Variants in PTPRG observed in about 807,000 individuals in gnomAD.
The protein encoded by PTPRG is protein tyrosine phosphatase receptor type G, also known as receptor-type tyrosine-protein phosphatase gamma.
In PTPRG, 102 loss-of-function variants were observed where a neutral mutation model predicts 165.3. The observed-to-expected ratio is 0.62, with a 90% CI of 0.53 to 0.73. The LOEUF is 0.73. Among genes scored for constraint, PTPRG ranks in the 30% least tolerant of loss-of-function variants. The pLI is 0.00. For synonymous variants in PTPRG, 675 were observed against 669.5 expected (o/e 1.01, Z -0.13); for missense variants, 1,866 against 1,861.4 (o/e 1.00, Z -0.05).
chr3:61,737,383 A>G (rs1476330416), intron 1 of PTPRG, among the ~76,000 whole-genome samples: 1 of 152,194 alleles, frequency 6.6e-6, no homozygotes, highest in Non-Finnish European at 1.5e-5. Flanking sequence ...ATGCCATGGC[A>G]GCATCCTGTC....
intron 4 of PTPRG, among the ~76,000 whole-genome samples, chr3:62,039,855 C>A (rs1187214973): frequency 6.6e-6 from 1 of 152,062 alleles, no homozygotes; most frequent in Non-Finnish European, 1.5e-5. Context: ...AGCCACAGAG[C>A]AGTGCTAATC....
chr3:62,228,471 G>A lies in PTPRG; in HGVS notation c.2289-2754G>A, dbSNP rs184427362. On this transcript the variant is annotated intron_variant, in intron 13 of 29. Coordinates refer to ENST00000474889, the MANE Select transcript of PTPRG (RefSeq NM_002841.4). The surrounding 1 kb of genome is among the most constrained non-coding windows in gnomAD (Gnocchi z 4.1). The stretch of plus-strand genomic sequence containing the variant: ...AGAGGATGCAGTAGGTGGAGATCAC[G>A]CCATTGCACTCCAGCCTGGGCAACA... Among the ~76,000 whole-genome samples the A allele has an allele frequency of 2.0e-5, 3 of 150,882 alleles. No individual in the cohort carries two copies. The highest frequency in any genetic ancestry group is 1.3e-4 in the Admixed American group (2 of 15,158).
chr3:61,621,077 GTATATTTATTTATC>G (rs1701445271), intron 1 of PTPRG, among the ~76,000 whole-genome samples: 6 of 144,912 alleles, frequency 4.1e-5, no homozygotes, highest in African/African-American at 1.3e-4. Context: ...GTGTGTGTGT[GTATATTTATTTATC>G]TGTTATGTTC....
chr3:61,767,239 T>TGGAAAA (rs1371380259), intron 2 of PTPRG, among the ~76,000 whole-genome samples: 3 of 73,098 alleles, frequency 4.1e-5, no homozygotes, highest in Non-Finnish European at 5.2e-5. Flanking sequence ...AGATTCCATC[T>TGGAAAA]CAAAAAAAAA....
At chr3:61,969,941 G>C (rs2040347674) in intron 2 of PTPRG, among the ~76,000 whole-genome samples, 1 of 152,140 alleles carries the variant, frequency 6.6e-6, no homozygotes, top group Admixed American at 6.6e-5. Flanking sequence ...AAACCAGTGA[G>C]GTTGTTTTTT....
intron 8 of PTPRG, among the ~76,000 whole-genome samples, chr3:62,173,766 G>A (rs570762019): frequency 3.5e-4 from 54 of 152,262 alleles, no homozygotes; most frequent in African/African-American, 1.3e-3. Context: ...GGTTATGATC[G>A]TGAACTTGAG....
At chr3:62,143,075 A>G (rs373629693) in intron 6 of PTPRG, among the ~76,000 whole-genome samples, 5 of 152,312 alleles carry the variant, frequency 3.3e-5, no homozygotes, top group African/African-American at 1.2e-4. Flanking sequence ...TCTCCCGCTC[A>G]GATCCCTGCC....
chr3:61,863,172 AG>A (rs2037318695), intron 2 of PTPRG, among the ~76,000 whole-genome samples: 1 of 152,216 alleles, frequency 6.6e-6, no homozygotes, highest in South Asian at 2.1e-4. Context: ...GCCAGTGCTT[AG>A]GGCCTGACCC....
intron 5 of PTPRG, among the ~76,000 whole-genome samples, chr3:62,091,423 A>G (rs1463305982): frequency 6.6e-6 from 1 of 152,250 alleles, no homozygotes; most frequent in Non-Finnish European, 1.5e-5. Flanking sequence ...AAATAGATTT[A>G]ATTGGAGCAG....
At chr3:61,863,941 G>A (rs1299632145) in intron 2 of PTPRG, among the ~76,000 whole-genome samples, 3 of 152,180 alleles carry the variant, frequency 2.0e-5, no homozygotes, top group Admixed American at 1.3e-4. Context: ...TTCTGAACAA[G>A]TTACCCAAGG....
intron 2 of PTPRG, among the ~76,000 whole-genome samples, chr3:61,891,153 A>T (rs1328278179): frequency 1.3e-5 from 2 of 151,962 alleles, no homozygotes; most frequent in African/African-American, 4.8e-5. Context: ...CCCCATCTCT[A>T]CTAAAAATAC....
intron 5 of PTPRG, among the ~76,000 whole-genome samples, chr3:62,079,842 C>T (rs1044507323): frequency 3.9e-5 from 6 of 152,216 alleles, no homozygotes; most frequent in Non-Finnish European, 8.8e-5. Flanking sequence ...ACAGCTAATA[C>T]ATCATGTAGA....
In PTPRG at chr3:62,297,287, C is replaced by T. The variant is rs1703094657; in HGVS notation, c.*3980C>T. 1 of 151,968 alleles carries T rather than the reference C, an allele frequency of 6.6e-6. No individual in the cohort carries two copies. The highest frequency in any genetic ancestry group is 6.6e-5 in the Admixed American group (1 of 15,238). The allele number at this position is 151,968 out of a possible 1,614,324, so 9.4% of individuals were successfully genotyped here. On this transcript the variant is annotated 3_prime_UTR_variant, in exon 30 of 30. Coordinates refer to ENST00000474889, the MANE Select transcript of PTPRG (RefSeq NM_002841.4). ...TTCTGTGTATTGAAGTAGCAAAAAC[C>T]ATCTTTACATTCCAAAAGAATCCAA...
In PTPRG at chr3:62,002,742, G is replaced by T. The variant is rs1168576595; in HGVS notation, c.371-607G>T. Among the ~76,000 whole-genome samples, 10 of 152,278 alleles carry T rather than the reference G, an allele frequency of 6.6e-5. No homozygotes were observed. In the East Asian group the frequency reaches 1.9e-3, roughly 29 times the overall value. On this transcript the variant is annotated intron_variant, in intron 3 of 29. Coordinates refer to ENST00000474889, the MANE Select transcript of PTPRG (RefSeq NM_002841.4). Reference sequence around the variant, plus strand: ...GAAAACGAGTTAGCTGCCAGTATTTGAGTGACTTCAAGAGTAGATTTTTGC... The same window carrying T: ...GAAAACGAGTTAGCTGCCAGTATTTTAGTGACTTCAAGAGTAGATTTTTGC...
At chr3:61,783,266 G>A (rs868045501) in intron 2 of PTPRG, among the ~76,000 whole-genome samples, 2 of 152,150 alleles carry the variant, frequency 1.3e-5, no homozygotes, top group Non-Finnish European at 2.9e-5. Flanking sequence ...CTTGAGCCCA[G>A]GAGGTTGAGG....
intron 2 of PTPRG, among the ~76,000 whole-genome samples, chr3:61,798,768 A>G (rs1331005297): frequency 2.0e-5 from 3 of 152,088 alleles, no homozygotes; most frequent in African/African-American, 7.2e-5. Context: ...TGATAACTCA[A>G]GAGTCGGAGA....
chr3:61,636,895 C>T (rs1024060693), intron 1 of PTPRG, among the ~76,000 whole-genome samples: 14 of 151,948 alleles, frequency 9.2e-5, no homozygotes, highest in East Asian at 5.8e-4. Flanking sequence ...AGTCTGGTTC[C>T]GCCTTGCTGG....
chr3:62,269,837 T>G (rs1009886244), intron 20 of PTPRG, among the ~76,000 whole-genome samples: 5 of 152,150 alleles, frequency 3.3e-5, no homozygotes, highest in African/African-American at 1.2e-4. Context: ...GTGGAAGGTA[T>G]GTTTCAAGAC....
intron 1 of PTPRG, among the ~76,000 whole-genome samples, chr3:61,606,227 C>T (rs1701002016): frequency 1.3e-5 from 2 of 152,284 alleles, no homozygotes; most frequent in East Asian, 1.9e-4. Context: ...CAGAACGTAG[C>T]GCTTCATGTT....
Sources: gnomAD v4.1 joint callset for allele counts (sites outside exome capture counted in the v4.1 genomes callset) on GRCh38, gnomAD v4.1.1 for gene constraint, Gnocchi (gnomAD v3.1) non-coding constraint, MANE v1.5 for transcripts, NCBI Gene and HGNC (gene_info 2026-07-23, HGNC 2026-07-21) for gene names.